Variants in S1PR3 observed in about 807,000 individuals in gnomAD.
S1PR3 encodes the protein sphingosine-1-phosphate receptor 3.
In S1PR3, 12 loss-of-function variants were observed where a neutral mutation model predicts 13.3. The ratio of observed to expected loss-of-function variants is 0.90; its 90% CI spans 0.58 to 1.46. S1PR3 has a LOEUF of 1.46. Among genes scored for constraint, S1PR3 ranks in the 40% most tolerant of loss-of-function variants. The pLI is 0.00. For synonymous variants in S1PR3, 232 were observed against 214.0 expected, an observed-to-expected ratio of 1.08 and a Z score of -0.73; for missense variants, 450 against 501.9, an observed-to-expected ratio of 0.90 and a Z score of 0.99.
rs1363339981 is a variant in S1PR3 at position 89,005,093 on chromosome 9, A to C, written c.*2756A>C. Reference sequence around the variant, plus strand: ...CTGCAGGGGTGCGCACTGTTGTTGCAGGCTTGCTACCCACCTGTGTTTCTT... The same window carrying C: ...CTGCAGGGGTGCGCACTGTTGTTGCCGGCTTGCTACCCACCTGTGTTTCTT... On this transcript the variant is annotated 3_prime_UTR_variant, in exon 2 of 2. Transcript: ENST00000358157. 1 of 159,820 alleles carries C rather than the reference A, an allele frequency of 6.3e-6. No individual in the cohort carries two copies. The highest frequency in any genetic ancestry group is 1.5e-5 in the Non-Finnish European group (1 of 68,074). 9.9% of individuals were successfully genotyped at this position (159,820 alleles called of 1,614,324 possible).
chr9:89,002,796 A>G lies in S1PR3; in HGVS notation c.*459A>G, dbSNP rs886742391. ...CAGGTGTTTGCCATGTGGTACCTACATAGAATCTCCATACAACACACAGGT... is the reference window on the plus strand; with the variant it reads ...CAGGTGTTTGCCATGTGGTACCTACGTAGAATCTCCATACAACACACAGGT... On this transcript the variant is annotated 3_prime_UTR_variant, in exon 2 of 2. Coordinates refer to ENST00000358157, the MANE Select transcript of S1PR3 (RefSeq NM_005226.4). The G allele has an allele frequency of 1.9e-5, 4 of 208,356 alleles. No individual in the cohort carries two copies. The highest frequency in any genetic ancestry group is 1.2e-4 in the East Asian group (1 of 8,522). The allele number at this position is 208,356 out of a possible 1,614,324, so 12.9% of individuals were successfully genotyped here.
intron 1 of S1PR3, chr9:88,997,921 C>T (rs1033918442): frequency 7.2e-5 from 11 of 152,424 alleles, no homozygotes; most frequent in Admixed American, 2.0e-4. Flanking sequence ...CATGCCTTTT[C>T]CATGAGCATG....
At chr9:88,992,115 C>G in intron 1 of S1PR3, 1 of 1,391,512 alleles carries the variant, frequency 7.2e-7, no homozygotes, top group Non-Finnish European at 9.9e-7. Flanking sequence ...CCTAACATTT[C>G]TCAAACAAGG....
At chr9:88,993,354 A>G (rs958768202) in intron 1 of S1PR3, 3 of 152,276 alleles carry the variant, frequency 2.0e-5, no homozygotes. Context: ...GAATTTGAGC[A>G]TGCCACAATC....
At chr9:88,997,767 G>C (rs1464138461) in intron 1 of S1PR3, 1 of 152,282 alleles carries the variant, frequency 6.6e-6, no homozygotes, top group Non-Finnish European at 1.5e-5. Context: ...ATGGATAGCT[G>C]GCTGTCTGCC....
chr9:88,990,897 G>A, upstream of S1PR3: 1 of 1,460,162 alleles, frequency 6.8e-7, no homozygotes, highest in Non-Finnish European at 9.3e-7. Context: ...GCGCCGGAGG[G>A]GACCCGCGCG....
intron 1 of S1PR3, chr9:88,994,695 G>C (rs980193893): frequency 2.4e-5 from 4 of 166,876 alleles, no homozygotes; most frequent in Non-Finnish European, 5.9e-5. Flanking sequence ...CCATATCTGG[G>C]GTTCCCTGGA....
At chr9:88,992,291 T>G in intron 1 of S1PR3, 2 of 443,978 alleles carry the variant, frequency 4.5e-6, no homozygotes, top group Non-Finnish European at 8.1e-6. Flanking sequence ...TCTCTCTCTC[T>G]CTCTCTCTTC....
chr9:88,995,738 A>G (rs1587665154), intron 1 of S1PR3: 1 of 167,110 alleles, frequency 6.0e-6, no homozygotes, highest in Non-Finnish European at 1.5e-5. Context: ...GATGCAGACA[A>G]TCAAATACTT....
At position 89,001,643 on chromosome 9, in the gene S1PR3, CCAA is replaced by C; in HGVS notation, c.447_449del (p.Asn149del). Reference sequence around the variant, plus strand: ...ATGATCAAAATGAGGCCTTACGACGCCAACAAGAGGCACCGCGTCTTCCTCCTG... The same window carrying C: ...ATGATCAAAATGAGGCCTTACGACGCCAAGAGGCACCGCGTCTTCCTCCTG... On this transcript the variant is annotated inframe_deletion, in exon 2 of 2. Coordinates refer to ENST00000358157, the MANE Select transcript of S1PR3 (RefSeq NM_005226.4). The C allele has an allele frequency of 6.2e-7, 1 of 1,614,226 alleles. No homozygotes were observed. The highest frequency in any genetic ancestry group is 8.5e-7 in the Non-Finnish European group (1 of 1,180,050).
At chr9:88,994,479 G>A (rs1587664491) in intron 1 of S1PR3, 1 of 166,984 alleles carries the variant, frequency 6.0e-6, no homozygotes, top group African/African-American at 2.4e-5. Flanking sequence ...CATCCCTGTG[G>A]AAATCTTGAG....
rs374693021 is a variant in S1PR3, at chr9:88,991,826, G to C, written c.-148+131G>C. On this transcript the variant is annotated intron_variant, in intron 1 of 1. Coordinates refer to ENST00000358157, the MANE Select transcript of S1PR3 (RefSeq NM_005226.4). This position sits in a 1 kb window ranked among gnomAD's most constrained non-coding sequence, Gnocchi z 4.0. ...TTGGGCGCGCCACGGCGGCCGGAGC[G>C]CTCCACATCAGCACCCCTCCCCCAG... 3.1e-6 allele frequency: 5 copies of C among 1,611,802 alleles called. No homozygotes were observed. Among genetic ancestry groups the C allele is most frequent in the East Asian group, 2.2e-5 (1 of 44,824 alleles).
intron 1 of S1PR3, chr9:88,999,636 T>A (rs1825844894): frequency 6.6e-6 from 1 of 152,216 alleles, no homozygotes; most frequent in African/African-American, 2.4e-5. Flanking sequence ...TTAAAAAAAA[T>A]TCACTGGATA....
At position 89,001,770 on chromosome 9, in the gene S1PR3, C is replaced by T; in HGVS notation, c.570C>T (p.Pro190=). ...HNLPDCSTIL[P]LYSKKYIAFC... ...TCCCTGACTGCTCTACCATCCTGCC[C>T]CTCTACTCCAAGAAGTACATTGCCT... The change falls in exon 2 of 2, where the codon CCC becomes CCT. Residue 190 remains proline, a synonymous_variant. Transcript: ENST00000358157. 1 of 1,614,260 alleles carries T rather than the reference C, an allele frequency of 6.2e-7. No individual in the cohort carries two copies. Among genetic ancestry groups the T allele is most frequent in the South Asian group, 1.1e-5 (1 of 91,088 alleles).
chr9:89,001,232 C>T lies in S1PR3; in HGVS notation c.32C>T (p.Pro11Leu). 6.2e-7 allele frequency: 1 copy of T among 1,613,400 alleles called. No homozygotes were observed. The highest frequency in any genetic ancestry group is 8.5e-7 in the Non-Finnish European group (1 of 1,179,430). Residue 11 changes from proline (P) to leucine (L), a missense_variant, in exon 2 of 2, where the codon CCG becomes CTG. By Grantham distance (98) the Pro-to-Leu change is moderately conservative. Transcript: ENST00000358157. The part of the protein sequence containing the change: MATALPPRLQ[P>L]VRGNETLREH... ...ACTGCCCTCCCGCCGCGTCTCCAGC[C>T]GGTGCGGGGGAACGAGACCCTGCGG...
chr9:88,991,829 C>A lies in S1PR3; in HGVS notation c.-148+134C>A. The A allele has an allele frequency of 6.2e-7, 1 of 1,612,482 alleles. No homozygotes were observed. The highest frequency in any genetic ancestry group is 8.5e-7 in the Non-Finnish European group (1 of 1,179,270). On this transcript the variant is annotated intron_variant, in intron 1 of 1. Transcript: ENST00000358157. The surrounding 1 kb of genome is among the most constrained non-coding windows in gnomAD (Gnocchi z 4.0). ...GGCGCGCCACGGCGGCCGGAGCGCT[C>A]CACATCAGCACCCCTCCCCCAGAGC...
chr9:89,003,627 A>G lies in S1PR3; in HGVS notation c.*1290A>G, dbSNP rs1825897526. 2 of 167,104 alleles carry G rather than the reference A, an allele frequency of 1.2e-5. No individual in the cohort carries two copies. Among genetic ancestry groups the G allele is most frequent in the Non-Finnish European group, 2.9e-5 (2 of 68,128 alleles). 10.4% of individuals were successfully genotyped at this position (167,104 alleles called of 1,614,324 possible). ...CCCAAGGATTGTACGTATTATACAA[A>G]TAGATGGAAAGAAAAGTGAACACGT... is the stretch of plus-strand genomic sequence containing the variant. On this transcript the variant is annotated 3_prime_UTR_variant, in exon 2 of 2. Coordinates refer to ENST00000358157, the MANE Select transcript of S1PR3 (RefSeq NM_005226.4).
chr9:88,997,373 C>G (rs368961274), intron 1 of S1PR3: 6 of 152,024 alleles, frequency 3.9e-5, no homozygotes, highest in African/African-American at 1.5e-4. Flanking sequence ...GTCTATTCAC[C>G]CTCTTCTCTC....
At position 89,001,587 on chromosome 9, in the gene S1PR3, A is replaced by C. The variant is rs541053919; in HGVS notation, c.387A>C (p.Leu129Phe). ...CCCTTGGGGCGTCCACCTGCAGCTT[A>C]CTGGCCATCGCCATCGAGCGGCACT... ...FVALGASTCS[L>F]LAIAIERHLT... The change falls in exon 2 of 2, where the codon TTA (leucine) becomes TTC (phenylalanine). Residue 129 changes from leucine to phenylalanine, a missense_variant. Coordinates refer to ENST00000358157, the MANE Select transcript of S1PR3 (RefSeq NM_005226.4). 2.7e-5 allele frequency: 44 copies of C among 1,614,180 alleles called. 1 individual carries two copies. In the South Asian group the frequency reaches 4.5e-4, roughly 17 times the overall value.
Sources: allele counts gnomAD v4.1 joint callset, GRCh38; gene constraint gnomAD v4.1.1; non-coding constraint Gnocchi (gnomAD v3.1); transcripts MANE v1.5; gene names NCBI Gene and HGNC (gene_info 2026-07-23, HGNC 2026-07-21).